Variants in ZBTB20 observed in about 807,000 individuals in gnomAD.
ZBTB20 encodes the protein zinc finger and BTB domain-containing protein 20.
A neutral mutation model predicts 56.9 loss-of-function variants in ZBTB20; 9 were observed. The observed-to-expected ratio is 0.16, with a 90% CI of 0.10 to 0.28. ZBTB20 has a LOEUF of 0.28. Ranked by LOEUF, ZBTB20 falls within the 10% of genes least tolerant of loss-of-function variation. The pLI, the probability that ZBTB20 is intolerant of heterozygous loss-of-function variation, is 1.00. For missense variants in ZBTB20, 655 were observed against 1,003.0 expected, an observed-to-expected ratio of 0.65 and a Z score of 4.69; for synonymous variants, 417 against 420.7, an observed-to-expected ratio of 0.99 and a Z score of 0.11.
intron 6 of ZBTB20, among the ~76,000 whole-genome samples, chr3:114,551,216 T>C (rs1397191866): frequency 6.6e-6 from 1 of 152,224 alleles, no homozygotes; most frequent in African/African-American, 2.4e-5. Context: ...TATCATTCTG[T>C]AAATAGTATG....
chr3:114,631,346 T>TTGTG (rs1440828176), intron 6 of ZBTB20, among the ~76,000 whole-genome samples: 1 of 148,900 alleles, frequency 6.7e-6, no homozygotes, highest in East Asian at 2.0e-4. Flanking sequence ...TATGACATTT[T>TTGTG]TGTGGAGGGG....
At chr3:114,749,507 C>T (rs746776085) in intron 5 of ZBTB20, among the ~76,000 whole-genome samples, 2 of 150,964 alleles carry the variant, frequency 1.3e-5, no homozygotes, top group Non-Finnish European at 2.9e-5. Context: ...GAGCCGAGAT[C>T]GCACCATTGC....
At chr3:115,025,322 CTACAT>C (rs1250761575) in intron 2 of ZBTB20, among the ~76,000 whole-genome samples, 2 of 151,330 alleles carry the variant, frequency 1.3e-5, no homozygotes, top group African/African-American at 4.8e-5. Context: ...TGTATATGTA[CTACAT>C]TTTCTTTAAC....
At chr3:114,353,856 C>T (rs1184057756) in intron 10 of ZBTB20, among the ~76,000 whole-genome samples, 1 of 152,142 alleles carries the variant, frequency 6.6e-6, no homozygotes, top group Non-Finnish European at 1.5e-5. Flanking sequence ...AAACTGAGGC[C>T]AGAGAAACTA....
chr3:114,532,281 G>A (rs1455465647), intron 6 of ZBTB20, among the ~76,000 whole-genome samples: 1 of 152,158 alleles, frequency 6.6e-6, no homozygotes, highest in Non-Finnish European at 1.5e-5. Flanking sequence ...AGTTGACCTG[G>A]GACCCTCAAG....
chr3:114,950,186 T>G (rs2077018556), intron 3 of ZBTB20, among the ~76,000 whole-genome samples: 1 of 152,188 alleles, frequency 6.6e-6, no homozygotes, highest in Admixed American at 6.5e-5. Context: ...CCTTAGTGAA[T>G]ACCTGAAACT....
chr3:114,987,906 T>G (rs1409563945), intron 2 of ZBTB20, among the ~76,000 whole-genome samples: 1 of 152,172 alleles, frequency 6.6e-6, no homozygotes, highest in Non-Finnish European at 1.5e-5. Flanking sequence ...TATCTGCCTC[T>G]GCTAGTTTAT....
At chr3:114,473,214 T>C (rs926417726) in intron 7 of ZBTB20, among the ~76,000 whole-genome samples, 1 of 152,212 alleles carries the variant, frequency 6.6e-6, no homozygotes. Flanking sequence ...CCTTCCGTCC[T>C]ACCCCTTCGG....
chr3:114,597,056 A>ATC (rs34356211), intron 6 of ZBTB20, among the ~76,000 whole-genome samples: 1 of 152,112 alleles, frequency 6.6e-6, no homozygotes, highest in Non-Finnish European at 1.5e-5. Context: ...ATATATATAT[A>ATC]TAAAGGCCCA....
At chr3:114,479,631 A>G (rs901546677) in intron 7 of ZBTB20, among the ~76,000 whole-genome samples, 34 of 152,232 alleles carry the variant, frequency 2.2e-4, no homozygotes, top group African/African-American at 7.7e-4. Flanking sequence ...TGTGTTCAGT[A>G]TAAACATACA....
At chr3:114,488,440 T>C (rs191365529) in intron 7 of ZBTB20, among the ~76,000 whole-genome samples, 1 of 152,374 alleles carries the variant, frequency 6.6e-6, no homozygotes, top group Admixed American at 6.5e-5. Context: ...TTTTCTACCA[T>C]AGTAATTTTT....
intron 7 of ZBTB20, among the ~76,000 whole-genome samples, chr3:114,391,249 C>T (rs1160159117): frequency 1.3e-5 from 2 of 152,116 alleles, no homozygotes; most frequent in Non-Finnish European, 2.9e-5. Context: ...GCTTACAGTC[C>T]TCCTTGCTTA....
rs527321119 is a variant in ZBTB20, at chr3:114,989,285, G to A, written c.-506-14869C>T. ...TCTTGAATTAATTTTTGTATAAGGC[G>A]TAAGGAAGGGATCCAGTTTCAGCTT... On this transcript the variant is annotated intron_variant, in intron 2 of 11. Transcript: ENST00000675478. Among the ~76,000 whole-genome samples, 83 of 152,220 alleles carry A rather than the reference G, an allele frequency of 5.5e-4. 1 individual carries two copies. Among genetic ancestry groups the A allele is most frequent in the African/African-American group, 1.4e-3 (57 of 41,546 alleles).
intron 2 of ZBTB20, among the ~76,000 whole-genome samples, chr3:114,990,904 T>C (rs1024030502): frequency 6.6e-6 from 1 of 152,226 alleles, no homozygotes; most frequent in African/African-American, 2.4e-5. Flanking sequence ...GAGGTGTTTA[T>C]AGTATTCTCT....
At chr3:114,540,169 T>A (rs2048960315) in intron 6 of ZBTB20, among the ~76,000 whole-genome samples, 1 of 152,046 alleles carries the variant, frequency 6.6e-6, no homozygotes, top group Non-Finnish European at 1.5e-5. Context: ...CGGTATTTGG[T>A]TTTCTGTGGT....
At chr3:114,728,724 C>T (rs578013380) in intron 5 of ZBTB20, among the ~76,000 whole-genome samples, 4 of 152,148 alleles carry the variant, frequency 2.6e-5, no homozygotes, top group Non-Finnish European at 5.9e-5. Flanking sequence ...CTTGAGAAGA[C>T]GTGCATCTTT....
intron 10 of ZBTB20, 126 bp downstream of exon 10, chr3:114,380,091 T>C: frequency 9.6e-7 from 1 of 1,040,158 alleles, no homozygotes; most frequent in Non-Finnish European, 1.3e-6. Flanking sequence ...TGGTGGCACA[T>C]TACTTTTGGC....
intron 10 of ZBTB20, among the ~76,000 whole-genome samples, chr3:114,358,740 A>T (rs1405005286): frequency 6.6e-6 from 1 of 152,206 alleles, no homozygotes; most frequent in Non-Finnish European, 1.5e-5. Context: ...TACTGAGAAT[A>T]CCCCAGTATA....
chr3:114,685,155 A>G (rs1343555703), intron 6 of ZBTB20, among the ~76,000 whole-genome samples: 1 of 152,082 alleles, frequency 6.6e-6, no homozygotes, highest in Non-Finnish European at 1.5e-5. Context: ...TCATCCCGCT[A>G]TAGGCTTCAG....
Sources: gnomAD v4.1 joint callset for allele counts (sites outside exome capture counted in the v4.1 genomes callset) on GRCh38, gnomAD v4.1.1 for gene constraint, MANE v1.5 for transcripts, NCBI Gene and HGNC (gene_info 2026-07-23, HGNC 2026-07-21) for gene names.